Variants in ZMYND8 observed in about 807,000 individuals in gnomAD.
ZMYND8 encodes MYND-type zinc finger-containing chromatin reader ZMYND8.
A neutral mutation model predicts 140.8 loss-of-function variants in ZMYND8; 37 were observed. That is an observed-to-expected ratio of 0.26 (90% confidence interval 0.20 to 0.35). ZMYND8 has a LOEUF of 0.35. Among genes scored for constraint, ZMYND8 ranks in the 10% least tolerant of loss-of-function variants. The pLI, the probability that ZMYND8 is intolerant of heterozygous loss-of-function variation, is 1.00. For missense variants in ZMYND8, 1,068 were observed against 1,570.0 expected (o/e 0.68, Z 5.40); for synonymous variants, 592 against 597.1 (o/e 0.99, Z 0.12).
chr20:47,316,984 C>G (rs1488648136), intron 2 of ZMYND8, among the ~76,000 whole-genome samples: 3 of 152,110 alleles, frequency 2.0e-5, no homozygotes, highest in African/African-American at 7.2e-5. Flanking sequence ...ACTGGGATTT[C>G]AACCCAGGCA....
At chr20:47,294,926 G>A in intron 4 of ZMYND8, 147 bp from the exon 5 acceptor site, 3 of 680,360 alleles carry the variant, frequency 4.4e-6, no homozygotes, top group South Asian at 1.8e-5. Context: ...AAAGACTCCT[G>A]GAACAAAATG....
intron 16 of ZMYND8, among the ~76,000 whole-genome samples, chr20:47,230,404 C>A (rs1430567089): frequency 6.6e-6 from 1 of 151,960 alleles, no homozygotes; most frequent in Admixed American, 6.6e-5. Context: ...GATTCTCCTG[C>A]CTCAGCCTCC....
intron 2 of ZMYND8, among the ~76,000 whole-genome samples, chr20:47,313,415 G>GATC (rs1210252312): frequency 6.6e-6 from 1 of 151,986 alleles, no homozygotes; most frequent in Non-Finnish European, 1.5e-5. Context: ...AAAGTCAGGA[G>GATC]ATCGAGACCA....
At chr20:47,258,210 A>G (rs2074898923) in intron 12 of ZMYND8, among the ~76,000 whole-genome samples, 1 of 152,246 alleles carries the variant, frequency 6.6e-6, no homozygotes, top group Non-Finnish European at 1.5e-5. Flanking sequence ...GACGTATCCA[A>G]TAGGCACAGG....
At chr20:47,263,778 A>G (rs2075314699) in intron 11 of ZMYND8, among the ~76,000 whole-genome samples, 1 of 152,218 alleles carries the variant, frequency 6.6e-6, no homozygotes, top group African/African-American at 2.4e-5. Flanking sequence ...AACAGTAGCT[A>G]CATCTCATCA....
In ZMYND8 at chr20:47,217,503, C is replaced by T. The variant is rs116197038; in HGVS notation, c.3484+2755G>A. On this transcript the variant is annotated intron_variant, in intron 21 of 22. Coordinates refer to ENST00000471951, the MANE Select transcript of ZMYND8 (RefSeq NM_001281775.3). ...GAGTTGCTTTCTCAGTAGGTGCTTC[C>T]GTCATATTTAATGCCAAGTTCGTAT... Among the ~76,000 whole-genome samples, 404 of 152,182 alleles carry T rather than the reference C, an allele frequency of 2.7e-3. 1 individual carries two copies. The highest frequency in any genetic ancestry group is 9.1e-3 in the African/African-American group (379 of 41,504).
At chr20:47,353,960 C>G (rs1379822115) in intron 1 of ZMYND8, 1 of 152,148 alleles carries the variant, frequency 6.6e-6, no homozygotes, top group African/African-American at 2.4e-5. Flanking sequence ...AATCTTTAAC[C>G]TTTCCTCCAA....
chr20:47,355,238 G>A (rs2083125046), intron 1 of ZMYND8, among the ~76,000 whole-genome samples: 1 of 152,198 alleles, frequency 6.6e-6, no homozygotes, highest in Admixed American at 6.5e-5. Context: ...TAAACAGGAA[G>A]TATAATCTTC....
At position 47,346,948 on chromosome 20, in the gene ZMYND8, A is replaced by G. The variant is rs143643742; in HGVS notation, c.85+908T>C. 8.1e-3 allele frequency among the ~76,000 whole-genome samples: 1,231 copies of G among 152,222 alleles called. 6 individuals are homozygous for G. Among genetic ancestry groups the G allele is most frequent in the Non-Finnish European group, 0.012 (783 of 68,020 alleles). ...ATCCTCAAAATGCTTTTGGTTTCAG[A>G]CGCCTTTAGGGAGTCACTTTGTGCG... is the stretch of plus-strand genomic sequence containing the variant. On this transcript the variant is annotated intron_variant, in intron 2 of 22. Transcript: ENST00000471951.
chr20:47,212,508 A>T, intron 22 of ZMYND8, 134 bp downstream of exon 22: 1 of 995,726 alleles, frequency 1.0e-6, no homozygotes, highest in Non-Finnish European at 1.6e-6. Context: ...AACGTTGCAA[A>T]GGAAGACCCA....
chr20:47,262,077 A>G (rs1466550178), intron 12 of ZMYND8, among the ~76,000 whole-genome samples: 3 of 152,180 alleles, frequency 2.0e-5, no homozygotes, highest in Non-Finnish European at 4.4e-5. Flanking sequence ...ATCTCAAAAA[A>G]AAAAAAGTAA....
At chr20:47,255,584 G>GTA (rs2074547173) in intron 12 of ZMYND8, among the ~76,000 whole-genome samples, 1 of 49,534 alleles carries the variant, frequency 2.0e-5, no homozygotes, top group Non-Finnish European at 4.0e-5. Context: ...GTGTGTGTGT[G>GTA]TGTGTGTGTG....
intron 7 of ZMYND8, among the ~76,000 whole-genome samples, chr20:47,289,335 G>T (rs2077113592): frequency 6.6e-6 from 1 of 152,134 alleles, no homozygotes; most frequent in Non-Finnish European, 1.5e-5. Context: ...GAGCAAAAGA[G>T]AACTCTAATA....
At chr20:47,221,037 G>A (rs759472500) in intron 20 of ZMYND8, among the ~76,000 whole-genome samples, 1 of 152,186 alleles carries the variant, frequency 6.6e-6, no homozygotes, top group African/African-American at 2.4e-5. Flanking sequence ...CATTCTGGAC[G>A]GGAAGTACAG....
chr20:47,252,099 G>T (rs375579017), intron 12 of ZMYND8, among the ~76,000 whole-genome samples: 2 of 151,928 alleles, frequency 1.3e-5, no homozygotes, highest in African/African-American at 4.8e-5. Context: ...TTCAAGATCC[G>T]CCTGGCTAAC....
chr20:47,244,296 A>G (rs1461449964), intron 14 of ZMYND8, among the ~76,000 whole-genome samples: 1 of 152,240 alleles, frequency 6.6e-6, no homozygotes, highest in Non-Finnish European at 1.5e-5. Flanking sequence ...CGCCACATAC[A>G]TAAGGTTTTA....
At chr20:47,352,353 C>T in intron 1 of ZMYND8, 1 of 694,510 alleles carries the variant, frequency 1.4e-6, no homozygotes. Flanking sequence ...AGCCTGCAAA[C>T]AGCCACCAAA....
In ZMYND8 at chr20:47,249,423, C is replaced by G. The variant is rs137982512; in HGVS notation, c.1638G>C (p.Glu546Asp). ...LNLNLDRSKA[E>D]MDLKELSESV... ...ACTCGCTCAGCTCCTTCAAATCCAT[C>G]TCAGCTTTGCTTCGATCTGAAAGAA... Residue 546 changes from glutamate (E) to aspartate (D), a missense_variant, in exon 13 of 23, where the codon GAG becomes GAC. Glu to Asp is a conservative substitution (Grantham distance 45). Around this residue, in one of 10 missense-constraint regions of ZMYND8, gnomAD observed 173 missense variants for 223.3 expected, o/e 0.77. Transcript: ENST00000471951. 722 of 1,614,174 alleles carry G rather than the reference C, an allele frequency of 4.5e-4. No homozygotes were observed. Among genetic ancestry groups the G allele is most frequent in the Non-Finnish European group, 5.6e-4 (657 of 1,180,018 alleles).
intron 2 of ZMYND8, among the ~76,000 whole-genome samples, chr20:47,314,833 C>CA (rs1218031021): frequency 6.6e-6 from 1 of 152,170 alleles, no homozygotes; most frequent in Non-Finnish European, 1.5e-5. Context: ...CAACCCCAGG[C>CA]AAGTCTCCAC....
Sources: allele counts gnomAD v4.1 joint callset (sites outside exome capture counted in the v4.1 genomes callset), GRCh38; gene constraint gnomAD v4.1.1; regional missense constraint gnomAD v4.1.1; transcripts MANE v1.5; gene names NCBI Gene and HGNC (gene_info 2026-07-23, HGNC 2026-07-21).